The following NDUFS4 variants were observed in gnomAD, a reference collection of about 807,000 sequenced individuals.
NDUFS4 encodes NADH:ubiquinone oxidoreductase subunit S4.
NDUFS4 carries 28 observed loss-of-function variants against 24.3 expected under a neutral mutation model. The observed-to-expected ratio is 1.15, with a 90% CI of 0.85 to 1.58. The LOEUF (loss-of-function observed/expected upper bound fraction) is 1.58, where lower values mean the gene tolerates loss of function less well. NDUFS4 is among the 40% of genes most tolerant of loss of function. The probability of loss-of-function intolerance (pLI) is 0.00; values close to 1 mark genes in which losing one functional copy is unlikely to be tolerated. For missense variants in NDUFS4, 223 were observed against 207.9 expected (o/e 1.07, Z -0.45); for synonymous variants, 93 against 69.7 (o/e 1.34, Z -1.67).
In NDUFS4 at chr5:53,594,900, A is replaced by G. The variant is rs796309308; in HGVS notation, c.99-8552A>G. Among the ~76,000 whole-genome samples the G allele has an allele frequency of 2.2e-3, 294 of 133,640 alleles. 2 individuals carry two copies. Among genetic ancestry groups the G allele is most frequent in the African/African-American group, 5.9e-3 (191 of 32,584 alleles). 87.7% of individuals were successfully genotyped at this position (133,640 alleles called of 152,430 possible). The stretch of plus-strand genomic sequence containing the variant: ...TGTGTGTGTGTGTGTGTGTGTGTGT[A>G]TATGCGTTGATTTTTAAATCCATCT... On this transcript the variant is annotated intron_variant, in intron 1 of 4. Transcript: ENST00000296684.
intron 3 of NDUFS4, among the ~76,000 whole-genome samples, chr5:53,655,349 A>G (rs1752131334): frequency 6.6e-6 from 1 of 151,402 alleles, no homozygotes; most frequent in African/African-American, 2.4e-5. Context: ...TTCTAACAAC[A>G]TAGATTAGTT....
Position 53,683,099 on chromosome 5 carries a change from C to CTTTGT in NDUFS4, c.425-15_425-11dup, listed in dbSNP as rs777051635. On this transcript the variant is annotated intron_variant, in intron 4 of 4. Transcript: ENST00000296684. ...TTTAATTCTGTTTCTGTGGATTTGTCTTTGTTTTTTCCTCCTAGGATGGAG... is the reference window on the plus strand; with the variant it reads ...TTTAATTCTGTTTCTGTGGATTTGTCTTTGTTTTGTTTTTTCCTCCTAGGATGGAG... 2 of 1,500,382 alleles carry CTTTGT rather than the reference C, an allele frequency of 1.3e-6. No homozygotes were observed. The highest frequency in any genetic ancestry group is 1.9e-6 in the Non-Finnish European group (2 of 1,076,916). The allele number at this position is 1,500,382 out of a possible 1,614,324, so 92.9% of individuals were successfully genotyped here.
At chr5:53,613,450 C>CTT (rs1167057954) in intron 2 of NDUFS4, among the ~76,000 whole-genome samples, 1 of 151,820 alleles carries the variant, frequency 6.6e-6, no homozygotes, top group Non-Finnish European at 1.5e-5. Flanking sequence ...TTCTTTAAGA[C>CTT]TTTCACTAAA....
intron 2 of NDUFS4, among the ~76,000 whole-genome samples, chr5:53,611,203 T>TG (rs1316521206): frequency 2.0e-5 from 3 of 151,278 alleles, no homozygotes; most frequent in African/African-American, 7.3e-5. Flanking sequence ...GAAAAACTTG[T>TG]GGTTTTTTTT....
intron 1 of NDUFS4, among the ~76,000 whole-genome samples, chr5:53,572,258 T>G (rs552015626): frequency 6.6e-6 from 1 of 152,324 alleles, no homozygotes; most frequent in African/African-American, 2.4e-5. Context: ...GTTCCTTTCT[T>G]TCTGATATAG....
chr5:53,665,221 G>A (rs1474783283), intron 4 of NDUFS4, among the ~76,000 whole-genome samples: 1 of 152,196 alleles, frequency 6.6e-6, no homozygotes, highest in African/African-American at 2.4e-5. Flanking sequence ...GGCCGTGTGA[G>A]GTGTCAGTCT....
chr5:53,653,462 T>G (rs1752076556), intron 3 of NDUFS4, among the ~76,000 whole-genome samples: 1 of 152,152 alleles, frequency 6.6e-6, no homozygotes, highest in Non-Finnish European at 1.5e-5. Flanking sequence ...TTTAATCAGG[T>G]GGTTCAGTTT....
At chr5:53,579,937 A>G (rs1216090386) in intron 1 of NDUFS4, among the ~76,000 whole-genome samples, 2 of 152,196 alleles carry the variant, frequency 1.3e-5, no homozygotes, top group Admixed American at 1.3e-4. Context: ...AACAAGAAAC[A>G]AATTGTCCCC....
intron 3 of NDUFS4, among the ~76,000 whole-genome samples, chr5:53,647,254 C>T (rs181818514): frequency 1.3e-5 from 2 of 151,834 alleles, no homozygotes; most frequent in East Asian, 1.9e-4. Flanking sequence ...GCCCCCTTGC[C>T]CAGGCTGGAG....
chr5:53,564,002 T>TA (rs1748942362), intron 1 of NDUFS4, among the ~76,000 whole-genome samples: 1 of 152,242 alleles, frequency 6.6e-6, no homozygotes. Context: ...ACCTTAGTAT[T>TA]TACTAGGTCT....
At chr5:53,631,651 T>G (rs999225489) in intron 2 of NDUFS4, among the ~76,000 whole-genome samples, 1 of 152,178 alleles carries the variant, frequency 6.6e-6, no homozygotes, top group East Asian at 1.9e-4. Flanking sequence ...CAGTTTGAAC[T>G]TCCCAGCAGC....
intron 2 of NDUFS4, among the ~76,000 whole-genome samples, chr5:53,643,970 T>G (rs1351400037): frequency 6.6e-6 from 1 of 152,184 alleles, no homozygotes; most frequent in African/African-American, 2.4e-5. Flanking sequence ...TTGGTAGTTA[T>G]GAGTTCAAAA....
intron 2 of NDUFS4, among the ~76,000 whole-genome samples, chr5:53,623,722 C>CTTGT (rs202130437): frequency 7.4e-6 from 1 of 134,786 alleles, no homozygotes; most frequent in African/African-American, 2.9e-5. Flanking sequence ...TTTTTGTTTG[C>CTTGT]TTGTTTGTTT....
chr5:53,665,145 T>C (rs1752475731), intron 4 of NDUFS4, among the ~76,000 whole-genome samples: 1 of 152,132 alleles, frequency 6.6e-6, no homozygotes, highest in African/African-American at 2.4e-5. Context: ...GAACCGCGGA[T>C]ATTGGTGAAC....
At chr5:53,584,587 G>A (rs1187024635) in intron 1 of NDUFS4, among the ~76,000 whole-genome samples, 2 of 151,660 alleles carry the variant, frequency 1.3e-5, no homozygotes, top group East Asian at 3.9e-4. Flanking sequence ...TGATCCACCT[G>A]CCTCTGCCTC....
At chr5:53,645,558 T>TA (rs1237339545) in intron 2 of NDUFS4, among the ~76,000 whole-genome samples, 2 of 152,226 alleles carry the variant, frequency 1.3e-5, no homozygotes, top group Non-Finnish European at 2.9e-5. Context: ...GAGTTAAAGT[T>TA]ACCATTGTTT....
chr5:53,663,655 C>T (rs1752416729), intron 4 of NDUFS4, among the ~76,000 whole-genome samples: 1 of 152,034 alleles, frequency 6.6e-6, no homozygotes, highest in Admixed American at 6.6e-5. Flanking sequence ...GGATTGCAAC[C>T]CTTGCCTTTT....
chr5:53,586,562 G>A (rs905369557), intron 1 of NDUFS4, among the ~76,000 whole-genome samples: 1 of 151,970 alleles, frequency 6.6e-6, no homozygotes, highest in Non-Finnish European at 1.5e-5. Context: ...TCACTCTGTC[G>A]CCCAGGCTGG....
chr5:53,642,592 C>G (rs1751735513), intron 2 of NDUFS4, among the ~76,000 whole-genome samples: 1 of 151,920 alleles, frequency 6.6e-6, no homozygotes, highest in Non-Finnish European at 1.5e-5. Flanking sequence ...TTGCTTGTTC[C>G]CTGCTTCCTT....
Sources: allele counts gnomAD v4.1 joint callset (sites outside exome capture counted in the v4.1 genomes callset), GRCh38; gene constraint gnomAD v4.1.1; transcripts MANE v1.5; gene names NCBI Gene and HGNC (gene_info 2026-07-23, HGNC 2026-07-21).